Variants in FOXP1 observed in about 807,000 individuals in gnomAD.
The protein encoded by FOXP1 is forkhead box P1, also known as forkhead box protein P1.
FOXP1 carries 15 observed loss-of-function variants against 98.2 expected under a neutral mutation model. The ratio of observed to expected loss-of-function variants is 0.15; its 90% CI spans 0.10 to 0.24. The LOEUF (loss-of-function observed/expected upper bound fraction) is 0.24. FOXP1 is among the 10% of genes least tolerant of loss of function. The probability of loss-of-function intolerance (pLI) is 1.00; values close to 1 mark genes in which losing one functional copy is unlikely to be tolerated. For missense variants in FOXP1, 633 were observed against 848.5 expected (o/e 0.75, Z 3.15); for synonymous variants, 371 against 314.5 (o/e 1.18, Z -1.90).
At position 71,202,959 on chromosome 3, in the gene FOXP1, C is replaced by T. The variant is rs192981138; in HGVS notation, c.-11-4567G>A. ...TTCGAGGAAGCTTGTCTCAGGCACC[C>T]GGTATGCATAACCTCTGCTTCTCTC... On this transcript the variant is annotated intron_variant, in intron 5 of 20. Coordinates refer to ENST00000649528, the MANE Select transcript of FOXP1 (RefSeq NM_001349338.3). Among the ~76,000 whole-genome samples the T allele has an allele frequency of 1.9e-4, 29 of 152,278 alleles. 1 individual carries two copies. Among genetic ancestry groups the T allele is most frequent in the Admixed American group, 1.6e-3 (24 of 15,292 alleles).
chr3:71,092,018 T>A (rs2055912851), intron 7 of FOXP1, among the ~76,000 whole-genome samples: 1 of 151,870 alleles, frequency 6.6e-6, no homozygotes, highest in Non-Finnish European at 1.5e-5. Context: ...TGAAACCCCG[T>A]CTCTACTAAA....
At chr3:71,024,307 G>A (rs770033815) in intron 11 of FOXP1, among the ~76,000 whole-genome samples, 4 of 152,134 alleles carry the variant, frequency 2.6e-5, no homozygotes, top group Admixed American at 6.5e-5. Context: ...ATTTCACACC[G>A]AAGAGTTGGG....
At chr3:71,180,753 T>C (rs2062240556) in intron 6 of FOXP1, among the ~76,000 whole-genome samples, 1 of 152,148 alleles carries the variant, frequency 6.6e-6, no homozygotes, top group Non-Finnish European at 1.5e-5. Flanking sequence ...GCAAATTGCG[T>C]AATGCCAGTA....
intron 6 of FOXP1, among the ~76,000 whole-genome samples, chr3:71,141,570 C>T (rs1160696647): frequency 6.6e-6 from 1 of 152,186 alleles, no homozygotes; most frequent in African/African-American, 2.4e-5. Flanking sequence ...GGCACCAGAA[C>T]ATTAGCTTCT....
chr3:71,546,605 G>C (rs2045382627), intron 2 of FOXP1, among the ~76,000 whole-genome samples: 1 of 139,342 alleles, frequency 7.2e-6, no homozygotes, highest in African/African-American at 2.7e-5. Flanking sequence ...CTTCTAGCCT[G>C]GGTGCAAGAT....
At chr3:71,117,089 C>CTT (rs11380918) in intron 6 of FOXP1, among the ~76,000 whole-genome samples, 45 of 148,518 alleles carry the variant, frequency 3.0e-4, no homozygotes, top group Middle Eastern at 3.4e-3. Flanking sequence ...AGAGATAAAT[C>CTT]TTTTTTTTTT....
intron 2 of FOXP1, among the ~76,000 whole-genome samples, chr3:71,518,530 A>C (rs1393447185): frequency 1.3e-5 from 2 of 152,044 alleles, no homozygotes; most frequent in African/African-American, 4.8e-5. Context: ...GTTTCAATGG[A>C]GTGTTTGTGT....
chr3:71,183,905 C>A (rs1268222422), intron 6 of FOXP1, among the ~76,000 whole-genome samples: 3 of 152,184 alleles, frequency 2.0e-5, no homozygotes, highest in Admixed American at 6.5e-5. Flanking sequence ...GTAATCCCAG[C>A]ACTTTGGGAG....
intron 3 of FOXP1, among the ~76,000 whole-genome samples, chr3:71,388,224 G>C (rs2080747633): frequency 6.6e-6 from 1 of 152,072 alleles, no homozygotes; most frequent in African/African-American, 2.4e-5. Context: ...TCCATTCTGA[G>C]AGCTAGTAAG....
At chr3:71,538,584 A>G (rs1402976016) in intron 2 of FOXP1, among the ~76,000 whole-genome samples, 1 of 152,042 alleles carries the variant, frequency 6.6e-6, no homozygotes, top group Non-Finnish European at 1.5e-5. Context: ...AGTTGTCTCC[A>G]CTCTTTGGCT....
chr3:71,069,568 G>C (rs976233891), intron 7 of FOXP1, among the ~76,000 whole-genome samples: 1 of 152,120 alleles, frequency 6.6e-6, no homozygotes, highest in African/African-American at 2.4e-5. Flanking sequence ...TTCTTGAAAA[G>C]GTACATGTTT....
chr3:71,496,452 T>G (rs937866322), intron 2 of FOXP1, among the ~76,000 whole-genome samples: 3 of 152,014 alleles, frequency 2.0e-5, no homozygotes, highest in African/African-American at 7.2e-5. Context: ...CTGGTGGAGG[T>G]TTCCTGTGGG....
At chr3:71,408,750 C>A (rs1311202743) in intron 3 of FOXP1, among the ~76,000 whole-genome samples, 1 of 152,190 alleles carries the variant, frequency 6.6e-6, no homozygotes, top group Non-Finnish European at 1.5e-5. Context: ...CAAGGGGCAG[C>A]AGACACCCTG....
chr3:71,151,659 C>CTT (rs1308025813), intron 6 of FOXP1, among the ~76,000 whole-genome samples: 1 of 63,768 alleles, frequency 1.6e-5, no homozygotes, highest in Admixed American at 1.7e-4. Flanking sequence ...ATGTCTAAAA[C>CTT]ATTTTTTTTT....
At chr3:70,972,190 GAGCAGCAGCAA>G in intron 18 of FOXP1, 22 of 1,515,930 alleles carry the variant, frequency 1.5e-5, no homozygotes, top group Non-Finnish European at 1.9e-5. Context: ...CCTGGGATAG[GAGCAGCAGCAA>G]AGGAGATGGA....
At chr3:70,976,833 TC>T in intron 17 of FOXP1, 107 bp downstream of exon 17, 1 of 804,498 alleles carries the variant, frequency 1.2e-6, no homozygotes, top group South Asian at 1.4e-5. Context: ...TTTAAGAGTA[TC>T]AAAACAATAT....
At chr3:71,527,989 C>T (rs114479235) in intron 2 of FOXP1, among the ~76,000 whole-genome samples, 1,947 of 152,214 alleles carry the variant, frequency 0.013, 45 homozygotes, top group African/African-American at 0.044. Flanking sequence ...TTGGGTCATT[C>T]AAAGAGAAAG....
chr3:70,980,764 A>G (rs948010097), intron 14 of FOXP1, among the ~76,000 whole-genome samples: 10 of 152,192 alleles, frequency 6.6e-5, no homozygotes, highest in Non-Finnish European at 1.2e-4. Context: ...AATGACAAAA[A>G]CAGGAAGAAA....
chr3:71,341,471 A>G (rs1042891171), intron 4 of FOXP1, among the ~76,000 whole-genome samples: 1 of 152,240 alleles, frequency 6.6e-6, no homozygotes, highest in Non-Finnish European at 1.5e-5. Flanking sequence ...GTAAATACCT[A>G]TATTTAAAAA....
Sources: gnomAD v4.1 joint callset for allele counts (sites outside exome capture counted in the v4.1 genomes callset) on GRCh38, gnomAD v4.1.1 for gene constraint, MANE v1.5 for transcripts, NCBI Gene and HGNC (gene_info 2026-07-23, HGNC 2026-07-21) for gene names.